The following NALF1 variants were observed in gnomAD, a reference collection of about 807,000 sequenced individuals.
NALF1 encodes the protein family with sequence similarity 155 member A.
NALF1 carries 3 observed loss-of-function variants against 48.4 expected under a neutral mutation model. The observed-to-expected ratio is 0.06, with a 90% CI of 0.03 to 0.16. NALF1 has a LOEUF of 0.16. Ranked by LOEUF, NALF1 falls within the 10% of genes least tolerant of loss-of-function variation. The pLI, the probability that NALF1 is intolerant of heterozygous loss-of-function variation, is 1.00. For synonymous variants in NALF1, 262 were observed against 245.7 expected (o/e 1.07, Z -0.62); for missense variants, 526 against 571.5 (o/e 0.92, Z 0.81).
rs1355672230 is a variant in NALF1, at chr13:107,371,368, G to A, written c.916-160613C>T. Among the ~76,000 whole-genome samples, 3 of 152,104 alleles carry A rather than the reference G, an allele frequency of 2.0e-5. No homozygotes were observed. The East Asian group carries it at 5.8e-4, about 29-fold the overall frequency. ...AGACGGAGGTAGAAGGATCGCTTGA[G>A]CCCAGGAAGTGGAGGCTGCAGTGAC... On this transcript the variant is annotated intron_variant, in intron 1 of 2. Transcript: ENST00000375915.
chr13:107,804,499 G>C (rs1272940358), intron 1 of NALF1, among the ~76,000 whole-genome samples: 1 of 151,886 alleles, frequency 6.6e-6, no homozygotes, highest in Non-Finnish European at 1.5e-5. Flanking sequence ...CCCTGCAGTG[G>C]AAAGTCCTGG....
At chr13:107,703,588 C>T (rs35772560) in intron 1 of NALF1, among the ~76,000 whole-genome samples, 13,672 of 152,092 alleles carry the variant, frequency 0.09, 705 homozygotes, top group South Asian at 0.16. Context: ...CTCCTGAACT[C>T]GTGATCCGCC....
intron 1 of NALF1, among the ~76,000 whole-genome samples, chr13:107,253,625 A>G (rs1446061121): frequency 6.6e-6 from 1 of 152,206 alleles, no homozygotes; most frequent in African/African-American, 2.4e-5. Context: ...CTTATTCAGC[A>G]CCAACTCCTC....
chr13:107,388,861 A>G (rs1883573428), intron 1 of NALF1, among the ~76,000 whole-genome samples: 1 of 152,166 alleles, frequency 6.6e-6, no homozygotes, highest in Non-Finnish European at 1.5e-5. Flanking sequence ...AATCTCAAGA[A>G]TTGTTGTAGA....
intron 1 of NALF1, among the ~76,000 whole-genome samples, chr13:107,492,454 C>A (rs183552823): frequency 9.9e-5 from 15 of 152,222 alleles, no homozygotes; most frequent in Admixed American, 3.9e-4. Flanking sequence ...TGTTGCCGCA[C>A]ATATTCTTTC....
chr13:107,216,017 T>C (rs975328549), intron 1 of NALF1, among the ~76,000 whole-genome samples: 1 of 152,176 alleles, frequency 6.6e-6, no homozygotes, highest in Non-Finnish European at 1.5e-5. Context: ...ATGTCAGATA[T>C]TAAAAATGGT....
chr13:107,636,887 A>ATATATTATATTATATTATATTATAT (rs67586898), intron 1 of NALF1, among the ~76,000 whole-genome samples: 78 of 147,900 alleles, frequency 5.3e-4, no homozygotes, highest in African/African-American at 1.8e-3. Flanking sequence ...TCTATATTAT[A>ATATATTATATTATATTATATTATAT]TATATTATAT....
intron 1 of NALF1, among the ~76,000 whole-genome samples, chr13:107,313,219 A>G (rs573310532): frequency 7.9e-5 from 12 of 152,286 alleles, no homozygotes; most frequent in African/African-American, 2.9e-4. Context: ...ACACAGGGAA[A>G]AAGGAACAGG....
chr13:107,264,558 G>A (rs1358488815), intron 1 of NALF1, among the ~76,000 whole-genome samples: 3 of 152,148 alleles, frequency 2.0e-5, no homozygotes, highest in Non-Finnish European at 4.4e-5. Flanking sequence ...AGGGGTATAT[G>A]TGAGGAAAAA....
intron 1 of NALF1, among the ~76,000 whole-genome samples, chr13:107,730,437 T>C (rs749384996): frequency 2.0e-5 from 3 of 152,178 alleles, no homozygotes; most frequent in Non-Finnish European, 4.4e-5. Context: ...AAACAATATC[T>C]AAGCACAATG....
chr13:107,504,126 C>T (rs1875616443), intron 1 of NALF1, among the ~76,000 whole-genome samples: 1 of 151,698 alleles, frequency 6.6e-6, no homozygotes, highest in South Asian at 2.1e-4. Context: ...GCGGCACGTG[C>T]CTGTAGTCCC....
chr13:107,171,459 C>T (rs900694035), intron 2 of NALF1, among the ~76,000 whole-genome samples: 10 of 152,182 alleles, frequency 6.6e-5, no homozygotes, highest in African/African-American at 2.4e-4. Context: ...CTCTGCTGTT[C>T]ATCTTCTCAT....
At chr13:107,861,834 A>T (rs953907189) in intron 1 of NALF1, among the ~76,000 whole-genome samples, 1 of 142,974 alleles carries the variant, frequency 7.0e-6, no homozygotes, top group South Asian at 2.3e-4. Flanking sequence ...TAAGAAATGC[A>T]TTTTTTTTTC....
intron 1 of NALF1, among the ~76,000 whole-genome samples, chr13:107,499,311 T>C (rs1298219158): frequency 6.6e-6 from 1 of 152,212 alleles, no homozygotes; most frequent in Non-Finnish European, 1.5e-5. Flanking sequence ...ACTAAATCCC[T>C]GTCTTCCGTT....
intron 1 of NALF1, among the ~76,000 whole-genome samples, chr13:107,768,942 C>T (rs9520578): frequency 0.091 from 13,795 of 152,008 alleles, 743 homozygotes; most frequent in East Asian, 0.17. Context: ...TGAAAAAATG[C>T]TCATCATCAC....
chr13:107,353,415 A>C (rs1882908995), intron 1 of NALF1, among the ~76,000 whole-genome samples: 1 of 152,090 alleles, frequency 6.6e-6, no homozygotes, highest in Non-Finnish European at 1.5e-5. Context: ...GCAGACGGAA[A>C]TTTTCTTCTG....
intron 1 of NALF1, among the ~76,000 whole-genome samples, chr13:107,696,551 AGTGTGT>A (rs58345595): frequency 0.034 from 5,007 of 146,688 alleles, 116 homozygotes; most frequent in East Asian, 0.071. Flanking sequence ...CTCCAAGTTG[AGTGTGT>A]GTGTGTGTGT....
chr13:107,376,455 G>A (rs1450631253), intron 1 of NALF1, among the ~76,000 whole-genome samples: 1 of 152,096 alleles, frequency 6.6e-6, no homozygotes, highest in African/African-American at 2.4e-5. Context: ...TCCCACCCTT[G>A]GAGCAAGCTC....
At chr13:107,235,621 T>C (rs1880326019) in intron 1 of NALF1, among the ~76,000 whole-genome samples, 1 of 152,194 alleles carries the variant, frequency 6.6e-6, no homozygotes, top group Non-Finnish European at 1.5e-5. Flanking sequence ...AAGAGAAAAG[T>C]CCGTACATGT....
Sources: allele counts gnomAD v4.1 joint callset (sites outside exome capture counted in the v4.1 genomes callset), GRCh38; gene constraint gnomAD v4.1.1; transcripts MANE v1.5; gene names NCBI Gene and HGNC (gene_info 2026-07-23, HGNC 2026-07-21).